The following CECR2 variants were observed in gnomAD, a reference collection of about 807,000 sequenced individuals.
CECR2 encodes CECR2 histone acetyl-lysine reader.
Under a neutral mutation model 154.5 loss-of-function variants are expected in CECR2, and 30 were observed. The ratio of observed to expected loss-of-function variants is 0.19; its 90% CI spans 0.15 to 0.26. CECR2 has a LOEUF of 0.26. Among genes scored for constraint, CECR2 ranks in the 10% least tolerant of loss-of-function variants. CECR2 has a pLI of 1.00. For missense variants in CECR2, 1,743 were observed against 1,829.3 expected (o/e 0.95, Z 0.86); for synonymous variants, 725 against 683.7 (o/e 1.06, Z -0.94).
At chr22:17,455,378 G>A (rs1479988162) in intron 1 of CECR2, among the ~76,000 whole-genome samples, 1 of 152,180 alleles carries the variant, frequency 6.6e-6, no homozygotes, top group Admixed American at 6.5e-5. Context: ...TCTTTGAAGA[G>A]GAACCTCTAC....
intron 12 of CECR2, 89 bp downstream of exon 12, chr22:17,538,820 T>A (rs2300686): frequency 1.8e-5 from 23 of 1,293,188 alleles, no homozygotes; most frequent in Admixed American, 4.9e-5. Flanking sequence ...ATATATATAT[T>A]TTGATACGTT....
At chr22:17,382,676 T>C (rs1045924771) in intron 1 of CECR2, among the ~76,000 whole-genome samples, 1 of 148,630 alleles carries the variant, frequency 6.7e-6, no homozygotes, top group Non-Finnish European at 1.5e-5. Context: ...AGGCTGAGGC[T>C]GGCGAATGGC....
chr22:17,521,635 T>C (rs994669278), intron 8 of CECR2, among the ~76,000 whole-genome samples: 2 of 152,236 alleles, frequency 1.3e-5, no homozygotes, highest in African/African-American at 4.8e-5. Flanking sequence ...AAGTTCTTTG[T>C]ACATTCTGGA....
At chr22:17,461,879 G>A (rs961923390) in intron 1 of CECR2, among the ~76,000 whole-genome samples, 4 of 149,300 alleles carry the variant, frequency 2.7e-5, no homozygotes, top group African/African-American at 7.4e-5. Flanking sequence ...TGCAACCTCC[G>A]TCTCCAGGGT....
Position 17,548,556 on chromosome 22 carries a change from C to T in CECR2, c.3269C>T (p.Thr1090Ile). The T allele has an allele frequency of 2.5e-6, 4 of 1,613,734 alleles. No individual in the cohort carries two copies. Among genetic ancestry groups the T allele is most frequent in the Non-Finnish European group, 3.4e-6 (4 of 1,179,796 alleles). Residue 1090 changes from threonine (T) to isoleucine (I), a missense_variant, in exon 17 of 19, where the codon ACC becomes ATC. Thr to Ile is a moderately conservative substitution (Grantham distance 89). This residue lies in a region of CECR2 where 1,250 missense variants were observed against 1,192.1 expected (regional missense o/e 1.05). Transcript: ENST00000262608. The part of the protein sequence containing the change: ...LCPRGRTLQE[T>I]MPCTGQNAAT... ...CCCAGAGGCAGAACGTTGCAGGAAA[C>T]CATGCCATGCACGGGACAGAACGCA...
chr22:17,413,763 G>T (rs540629857), intron 1 of CECR2, among the ~76,000 whole-genome samples: 1 of 151,516 alleles, frequency 6.6e-6, no homozygotes, highest in Admixed American at 6.6e-5. Context: ...TGCAAGCTCC[G>T]CCTCCCATGT....
intron 1 of CECR2, among the ~76,000 whole-genome samples, chr22:17,417,580 A>G (rs140019817): frequency 1.6e-4 from 25 of 152,224 alleles, no homozygotes; most frequent in East Asian, 1.2e-3. Flanking sequence ...AGCTGGGACT[A>G]TAGGCAGCAT....
At chr22:17,515,360 G>A (rs1306269584) in intron 8 of CECR2, among the ~76,000 whole-genome samples, 1 of 152,204 alleles carries the variant, frequency 6.6e-6, no homozygotes, top group Non-Finnish European at 1.5e-5. Context: ...GGGCGTGGCC[G>A]GTGCAGGCTC....
chr22:17,384,931 C>T (rs2063241119), intron 1 of CECR2, among the ~76,000 whole-genome samples: 1 of 152,236 alleles, frequency 6.6e-6, no homozygotes, highest in South Asian at 2.1e-4. Context: ...TTCTGGATAA[C>T]TTGCTGCAGC....
chr22:17,538,645 G>C lies in CECR2; in HGVS notation c.1282G>C (p.Asp428His). Reference sequence around the variant, plus strand: ...ATCTCTTCTCTGGCTTTCAGTTCTAGACGTGGTAAAGGCTCACAAGGATTC... The same window carrying C: ...ATCTCTTCTCTGGCTTTCAGTTCTACACGTGGTAAAGGCTCACAAGGATTC... ...DDFTAMYKVLDVVKAHKDSWP... is the reference protein window; with the variant it reads ...DDFTAMYKVLHVVKAHKDSWP... The change falls in exon 12 of 19, where the codon GAC (aspartate) becomes CAC (histidine). Residue 428 changes from aspartate (D) to histidine (H), a missense_variant. Asp to His is a moderately conservative substitution (Grantham distance 81). Transcript: ENST00000262608. 1 of 1,613,962 alleles carries C rather than the reference G, an allele frequency of 6.2e-7. No individual in the cohort carries two copies. The highest frequency in any genetic ancestry group is 8.5e-7 in the Non-Finnish European group (1 of 1,179,878).
chr22:17,459,874 T>C (rs866749454), intron 1 of CECR2, among the ~76,000 whole-genome samples: 49 of 152,230 alleles, frequency 3.2e-4, no homozygotes, highest in African/African-American at 1.1e-3. Context: ...CTTATCCTTT[T>C]AACTCCTTAA....
chr22:17,519,775 T>C (rs751154735), intron 8 of CECR2, among the ~76,000 whole-genome samples: 16 of 151,716 alleles, frequency 1.1e-4, no homozygotes, highest in Admixed American at 2.0e-4. Flanking sequence ...ACTTCCTATG[T>C]TGGTTTAGAT....
chr22:17,551,450 G>C (rs1370644319), intron 17 of CECR2, among the ~76,000 whole-genome samples: 1 of 152,136 alleles, frequency 6.6e-6, no homozygotes, highest in African/African-American at 2.4e-5. Context: ...TTTCCAAAGA[G>C]TCCAGGCCAG....
At chr22:17,500,208 C>CTCA (rs2055710682) in intron 4 of CECR2, among the ~76,000 whole-genome samples, 3 of 115,988 alleles carry the variant, frequency 2.6e-5, no homozygotes, top group African/African-American at 9.4e-5. Flanking sequence ...GAGACTCCAT[C>CTCA]AAAAAAAAAA....
chr22:17,383,024 G>A (rs920108195), intron 1 of CECR2, among the ~76,000 whole-genome samples: 31 of 152,182 alleles, frequency 2.0e-4, no homozygotes, highest in Middle Eastern at 3.4e-3. Context: ...TCAGGAGTTC[G>A]AGACCGCCTG....
chr22:17,414,176 G>A (rs564709757), intron 1 of CECR2, among the ~76,000 whole-genome samples: 138 of 151,516 alleles, frequency 9.1e-4, no homozygotes, highest in African/African-American at 3.1e-3. Context: ...ATTTCACTGT[G>A]TTAGCCAGGA....
chr22:17,527,310 T>C (rs994429445), intron 9 of CECR2, among the ~76,000 whole-genome samples: 1 of 151,828 alleles, frequency 6.6e-6, no homozygotes, highest in African/African-American at 2.4e-5. Context: ...ATACAAAAAT[T>C]AACCGAGCAT....
intron 1 of CECR2, among the ~76,000 whole-genome samples, chr22:17,363,648 AT>A (rs1453469445): frequency 6.6e-6 from 1 of 151,090 alleles, no homozygotes; most frequent in Non-Finnish European, 1.5e-5. Context: ...TGGCCTATTT[AT>A]TTTTGAGGCA....
At chr22:17,551,581 CAGG>C (rs1283480195) in intron 17 of CECR2, among the ~76,000 whole-genome samples, 1 of 151,996 alleles carries the variant, frequency 6.6e-6, no homozygotes, top group Non-Finnish European at 1.5e-5. Flanking sequence ...GGGGCTGAGG[CAGG>C]AGGATTGCTT....
Sources: gnomAD v4.1 joint callset for allele counts (sites outside exome capture counted in the v4.1 genomes callset) on GRCh38, gnomAD v4.1.1 for gene constraint, gnomAD v4.1.1 regional missense constraint, MANE v1.5 for transcripts, NCBI Gene and HGNC (gene_info 2026-07-23, HGNC 2026-07-21) for gene names.